The following TOX4 variants were observed in gnomAD, a reference collection of about 807,000 sequenced individuals.
The protein encoded by TOX4 is epidermal Langerhans cell protein LCP1.
In TOX4, 12 loss-of-function variants were observed where a neutral mutation model predicts 61.0. The ratio of observed to expected loss-of-function variants is 0.20; its 90% CI spans 0.13 to 0.32. The LOEUF is 0.32. Ranked by LOEUF, TOX4 falls within the 10% of genes least tolerant of loss-of-function variation. The pLI, the probability that TOX4 is intolerant of heterozygous loss-of-function variation, is 1.00. For synonymous variants in TOX4, 268 were observed against 274.8 expected (o/e 0.98, Z 0.24); for missense variants, 499 against 753.3 (o/e 0.66, Z 3.95).
In TOX4 at chr14:21,498,810, T is replaced by C. The variant is rs1276161187; in HGVS notation, c.*2204T>C. ...TGGGTTGTGAAGAGAGTAGAAACCCTAGGGAGCAGTGCTTTTGGGTCCTAG... is the reference window on the plus strand; with the variant it reads ...TGGGTTGTGAAGAGAGTAGAAACCCCAGGGAGCAGTGCTTTTGGGTCCTAG... On this transcript the variant is annotated 3_prime_UTR_variant, in exon 9 of 9. Transcript: ENST00000448790. The C allele has an allele frequency of 1.8e-6, 1 of 547,692 alleles. No homozygotes were observed. The highest frequency in any genetic ancestry group is 3.3e-6 in the Non-Finnish European group (1 of 306,882). The allele number at this position is 547,692 out of a possible 1,614,324, so 33.9% of individuals were successfully genotyped here.
rs1189324967 is a variant in TOX4, at chr14:21,498,985, A to G, written c.*2379A>G. The G allele has an allele frequency of 5.1e-6, 7 of 1,364,948 alleles. No homozygotes were observed. Among genetic ancestry groups the G allele is most frequent in the African/African-American group, 4.3e-5 (3 of 69,920 alleles). 84.6% of individuals were successfully genotyped at this position (1,364,948 alleles called of 1,614,324 possible). A position where few individuals can be genotyped will look rare whatever the true frequency, so the allele number is the denominator to read the frequency against. ...TAAGTTCTGTCCTTAATCATAAATA[A>G]TAGCCCCTTGAGGACTAGCCTGTTC... On this transcript the variant is annotated 3_prime_UTR_variant, in exon 9 of 9. Coordinates refer to ENST00000448790, the MANE Select transcript of TOX4 (RefSeq NM_014828.4).
chr14:21,481,131 A>G (rs1891100656), intron 2 of TOX4, among the ~76,000 whole-genome samples: 2 of 152,198 alleles, frequency 1.3e-5, no homozygotes, highest in South Asian at 4.1e-4. Flanking sequence ...TTGAACAGTC[A>G]CTTCACAAAA....
At chr14:21,496,477 T>C (rs1368186684) in intron 8 of TOX4, 69 bp from the exon 9 acceptor site, 6 of 1,431,654 alleles carry the variant, frequency 4.2e-6, no homozygotes, top group Non-Finnish European at 5.9e-6. Context: ...AAAAAAAAAA[T>C]GTATCTAGGC....
At chr14:21,494,302 T>C (rs1182495736) in intron 7 of TOX4, among the ~76,000 whole-genome samples, 1 of 152,158 alleles carries the variant, frequency 6.6e-6, no homozygotes, top group East Asian at 1.9e-4. Context: ...ATACCGTTAT[T>C]TTTTAAAACA....
chr14:21,498,168 TAAAG>T lies in TOX4; in HGVS notation c.*1565_*1568del. On this transcript the variant is annotated 3_prime_UTR_variant, in exon 9 of 9. Coordinates refer to ENST00000448790, the MANE Select transcript of TOX4 (RefSeq NM_014828.4). ...ACTACAATACAAATGTTTATTTAAATAAAGAAGAAAGCTATTGTACAAATATCAC... is the reference window on the plus strand; with the variant it reads ...ACTACAATACAAATGTTTATTTAAATAAGAAAGCTATTGTACAAATATCAC... 2.6e-6 allele frequency: 2 copies of T among 781,628 alleles called. No homozygotes were observed. Among genetic ancestry groups the T allele is most frequent in the East Asian group, 2.5e-5 (1 of 39,894 alleles). The allele number at this position is 781,628 out of a possible 1,614,324, so 48.4% of individuals were successfully genotyped here.
intron 5 of TOX4, 25 bp downstream of exon 5, chr14:21,489,428 A>G (rs1436654073): frequency 6.3e-7 from 1 of 1,584,502 alleles, no homozygotes; most frequent in African/African-American, 1.4e-5. Context: ...AGGAACTAGT[A>G]GTGAATGTTC....
rs1594436474 is a variant in TOX4, at chr14:21,498,481, A to G, written c.*1875A>G. The G allele has an allele frequency of 1.2e-5, 12 of 973,144 alleles. No homozygotes were observed. In the East Asian group the frequency reaches 3.0e-4, roughly 24 times the overall value. 60.3% of individuals were successfully genotyped at this position (973,144 alleles called of 1,614,324 possible). ...TGCCTATCATCATATCAAATATGCC[A>G]ATTCTAAAAAGAGCTTAACATTAGA... On this transcript the variant is annotated 3_prime_UTR_variant, in exon 9 of 9. Transcript: ENST00000448790.
At chr14:21,478,023 G>A (rs887030498) in intron 2 of TOX4, among the ~76,000 whole-genome samples, 2 of 152,158 alleles carry the variant, frequency 1.3e-5, no homozygotes, top group East Asian at 1.9e-4. Flanking sequence ...TGCAACCTCT[G>A]TCTCCTGGGT....
intron 2 of TOX4, 49 bp downstream of exon 2, chr14:21,477,613 G>T: frequency 6.2e-7 from 1 of 1,604,010 alleles, no homozygotes; most frequent in Non-Finnish European, 8.5e-7. Flanking sequence ...AGGCAGCGGT[G>T]GGGTAGGGTA....
In TOX4 at chr14:21,489,379, T is replaced by A; in HGVS notation, c.786T>A (p.Asp262Glu). The A allele has an allele frequency of 6.2e-7, 1 of 1,614,190 alleles. No homozygotes were observed. The highest frequency in any genetic ancestry group is 8.5e-7 in the Non-Finnish European group (1 of 1,180,034). ...CAAAAATTGTGGCCTCCATGTGGGA[T>A]AGTCTTGGAGAGGAGCAAAAACAGG... ...EVSKIVASMW[D>E]SLGEEQKQVY... Residue 262 changes from aspartate to glutamate, a missense_variant, in exon 5 of 9, where the codon GAT becomes GAA. Coordinates refer to ENST00000448790, the MANE Select transcript of TOX4 (RefSeq NM_014828.4).
intron 7 of TOX4, among the ~76,000 whole-genome samples, chr14:21,493,476 T>C (rs932247257): frequency 6.6e-6 from 1 of 152,074 alleles, no homozygotes; most frequent in Non-Finnish European, 1.5e-5. Context: ...GGAGTTTCAC[T>C]CATTGCCCAG....
chr14:21,481,266 C>T (rs12880402), intron 2 of TOX4, among the ~76,000 whole-genome samples: 76,263 of 151,816 alleles, frequency 0.5, 19,327 homozygotes, highest in East Asian at 0.63. Context: ...GCAACCTCCA[C>T]CTCTCACGTT....
At position 21,493,901 on chromosome 14, in the gene TOX4, C is replaced by T. The variant is rs180736086; in HGVS notation, c.1641+644C>T. ...AGTAGCTGGGATTACAGGCGCCCAC[C>T]ACTACACCCAGCTAATTTTTTGTAT... On this transcript the variant is annotated intron_variant, in intron 7 of 8. Transcript: ENST00000448790. 1.3e-4 allele frequency among the ~76,000 whole-genome samples: 19 copies of T among 151,616 alleles called. No individual in the cohort carries two copies. The East Asian group carries it at 3.5e-3, about 28-fold the overall frequency.
chr14:21,482,440 T>A, intron 2 of TOX4: 1 of 390,388 alleles, frequency 2.6e-6, no homozygotes, highest in Non-Finnish European at 5.1e-6. Flanking sequence ...AAATAATAGA[T>A]TGTATGTTTT....
At position 21,495,161 on chromosome 14, in the gene TOX4, A is replaced by C. The variant is rs577039971; in HGVS notation, c.1642-68A>C. ...GTTGCTTCATTGGTTTCTACAGATA[A>C]TTTAGCTAACTAGCTAGCTAGGCAG... On this transcript the variant is annotated intron_variant, in intron 7 of 8. Coordinates refer to ENST00000448790, the MANE Select transcript of TOX4 (RefSeq NM_014828.4). 10 of 1,546,000 alleles carry C rather than the reference A, an allele frequency of 6.5e-6. No homozygotes were observed. In the African/African-American group the frequency reaches 8.2e-5, roughly 13 times the overall value.
rs2282046 is a variant in TOX4, at chr14:21,477,256, A to G, written c.-23A>G. The G allele has an allele frequency of 0.42, 670,997 of 1,613,564 alleles. 141,683 individuals are homozygous for G. The highest frequency in any genetic ancestry group is 0.51 in the Middle Eastern group (3,079 of 6,056). On this transcript the variant is annotated 5_prime_UTR_variant, in exon 1 of 9. Transcript: ENST00000448790. ...GCGGTGGGAGCGATGAGGGTCTGAG[A>G]CGGTGGGAGCGGTTGTGTGAAGATG...
chr14:21,492,720 G>T lies in TOX4; in HGVS notation c.1104G>T (p.Leu368Phe). 1 of 1,614,102 alleles carries T rather than the reference G, an allele frequency of 6.2e-7. No homozygotes were observed. Among genetic ancestry groups the T allele is most frequent in the African/African-American group, 1.3e-5 (1 of 75,002 alleles). ...GAGGQPNITK[L>F]IITKQMLPSS... ...GGGGTCAGCCCAATATCACCAAGTT[G>T]ATTATTACCAAACAAATGTTGCCCT... Residue 368 changes from leucine (L) to phenylalanine (F), a missense_variant, in exon 7 of 9, where the codon TTG becomes TTT. By Grantham distance (22) the Leu-to-Phe change is conservative (BLOSUM62 0). This residue lies in a region of TOX4 where 296 missense variants were observed against 404.7 expected (regional missense o/e 0.73). Coordinates refer to ENST00000448790, the MANE Select transcript of TOX4 (RefSeq NM_014828.4).
At chr14:21,479,597 G>A (rs1891074500) in intron 2 of TOX4, among the ~76,000 whole-genome samples, 2 of 152,140 alleles carry the variant, frequency 1.3e-5, no homozygotes, top group African/African-American at 4.8e-5. Flanking sequence ...GCAGTGAGCC[G>A]AGATTGCGCC....
chr14:21,480,961 A>G (rs369161391), intron 2 of TOX4, among the ~76,000 whole-genome samples: 1 of 152,074 alleles, frequency 6.6e-6, no homozygotes, highest in Non-Finnish European at 1.5e-5. Context: ...GTGGCAGCGC[A>G]TGCCTGTAAT....
Sources: gnomAD v4.1 joint callset for allele counts (sites outside exome capture counted in the v4.1 genomes callset) on GRCh38, gnomAD v4.1.1 for gene constraint, gnomAD v4.1.1 regional missense constraint, MANE v1.5 for transcripts, NCBI Gene and HGNC (gene_info 2026-07-23, HGNC 2026-07-21) for gene names.